CAPZB: variants seen among roughly 807,000 people sequenced by gnomAD.
CAPZB encodes the protein F-actin-capping protein subunit beta.
In CAPZB, 2 loss-of-function variants were observed where a neutral mutation model predicts 38.1. That is an observed-to-expected ratio of 0.05 (90% CI 0.02 to 0.17). The LOEUF is 0.17. Ranked by LOEUF, CAPZB falls within the 10% of genes least tolerant of loss-of-function variation. The probability of loss-of-function intolerance (pLI) is 1.00; values close to 1 mark genes in which losing one functional copy is unlikely to be tolerated. For missense variants in CAPZB, 161 were observed against 334.2 expected, an observed-to-expected ratio of 0.48 and a Z score of 4.04; for synonymous variants, 107 against 127.4, an observed-to-expected ratio of 0.84 and a Z score of 1.08.
intron 1 of CAPZB, among the ~76,000 whole-genome samples, chr1:19,483,069 C>A (rs1394066608): frequency 6.6e-6 from 1 of 152,170 alleles, no homozygotes; most frequent in African/African-American, 2.4e-5. Flanking sequence ...GATACAGCTG[C>A]GGAAAACACA....
intron 6 of CAPZB, 59 bp from the exon 7 acceptor site, chr1:19,345,311 A>G (rs1157750339): frequency 1.5e-6 from 2 of 1,364,688 alleles, no homozygotes; most frequent in East Asian, 2.3e-5. Context: ...AGAACGGCAG[A>G]CAGCCCACCC....
intron 6 of CAPZB, among the ~76,000 whole-genome samples, chr1:19,348,766 G>A (rs929983426): frequency 7.4e-6 from 1 of 135,384 alleles, no homozygotes; most frequent in Non-Finnish European, 1.6e-5. Context: ...ACAAGGGGGG[G>A]GGGCGGTCTA....
Position 19,453,457 on chromosome 1 carries a change from C to T in CAPZB, c.3+31979G>A, listed in dbSNP as rs12095046. Among the ~76,000 whole-genome samples, 632 of 152,086 alleles carry T rather than the reference C, an allele frequency of 4.2e-3. 6 individuals are homozygous for T. Among genetic ancestry groups the T allele is most frequent in the African/African-American group, 0.014 (600 of 41,470 alleles). ...TGTATTTTTAGTAGAGACGGCGTTT[C>T]ACCATGTTGGCCAGGCTGGACTCGA... On this transcript the variant is annotated intron_variant, in intron 1 of 8. Transcript: ENST00000264202.
intron 1 of CAPZB, among the ~76,000 whole-genome samples, chr1:19,457,662 C>T (rs930174496): frequency 7.9e-5 from 12 of 152,186 alleles, no homozygotes; most frequent in Non-Finnish European, 1.2e-4. Flanking sequence ...CCAGTGTTAA[C>T]AAAGAAGCAA....
At chr1:19,484,355 T>C (rs1166091181) in intron 1 of CAPZB, 2 of 1,555,826 alleles carry the variant, frequency 1.3e-6, no homozygotes, top group Non-Finnish European at 1.7e-6. Context: ...GATTGTGCGT[T>C]CATCCTTGTC....
chr1:19,370,715 C>T (rs183294334), intron 4 of CAPZB, among the ~76,000 whole-genome samples: 166 of 152,234 alleles, frequency 1.1e-3, no homozygotes, highest in Admixed American at 2.0e-3. Flanking sequence ...AGCTGCCAGC[C>T]GCGGGCCAAG....
At chr1:19,470,194 G>C (rs1041173107) in intron 1 of CAPZB, among the ~76,000 whole-genome samples, 2 of 152,108 alleles carry the variant, frequency 1.3e-5, no homozygotes, top group Admixed American at 6.5e-5. Context: ...ACTGTAGCCT[G>C]AGCAAAAGCA....
intron 2 of CAPZB, among the ~76,000 whole-genome samples, chr1:19,389,284 C>G (rs548258839): frequency 3.9e-5 from 6 of 152,212 alleles, no homozygotes; most frequent in African/African-American, 1.4e-4. Context: ...ACTCCCTGAA[C>G]ATGCACGTGC....
intron 8 of CAPZB, among the ~76,000 whole-genome samples, chr1:19,340,074 G>A (rs2093919768): frequency 6.6e-6 from 1 of 152,210 alleles, no homozygotes; most frequent in South Asian, 2.1e-4. Context: ...GGAGGACTCC[G>A]GGGCCATGCG....
At chr1:19,381,405 T>C (rs2100438742) in intron 3 of CAPZB, among the ~76,000 whole-genome samples, 1 of 152,142 alleles carries the variant, frequency 6.6e-6, no homozygotes, top group Admixed American at 6.5e-5. Flanking sequence ...TGCCTGCCCT[T>C]GTCCCCAGTA....
intron 1 of CAPZB, chr1:19,449,020 C>A: frequency 6.5e-7 from 1 of 1,532,096 alleles, no homozygotes; most frequent in Non-Finnish European, 8.8e-7. Context: ...CCAGGCTGCT[C>A]GCTGCCCGCT....
chr1:19,466,123 C>G (rs567255219), intron 1 of CAPZB, among the ~76,000 whole-genome samples: 1 of 152,324 alleles, frequency 6.6e-6, no homozygotes, highest in South Asian at 2.1e-4. Context: ...CGACACTAAT[C>G]ACTGCACGCA....
chr1:19,469,739 A>AACACACACACACAC (rs1368840384), intron 1 of CAPZB, among the ~76,000 whole-genome samples: 1 of 74,086 alleles, frequency 1.3e-5, no homozygotes, highest in Non-Finnish European at 2.7e-5. Context: ...GGAGGAAAAG[A>AACACACACACACAC]ATACACACAC....
chr1:19,412,861 A>G (rs1216054560), intron 2 of CAPZB, among the ~76,000 whole-genome samples: 1 of 152,202 alleles, frequency 6.6e-6, no homozygotes, highest in African/African-American at 2.4e-5. Context: ...GTAAAAACAA[A>G]TAAGCACAGC....
rs1280613169 is a variant in CAPZB at position 19,451,915 on chromosome 1, TTTTACTGTTTATTATTGTAA to T, written c.4-32185_4-32166del. On this transcript the variant is annotated intron_variant, in intron 1 of 8. Coordinates refer to ENST00000264202, the MANE Select transcript of CAPZB (RefSeq NM_004930.5). The stretch of plus-strand genomic sequence containing the variant: ...TGCCAATAATAATGCTATGAAGCAA[TTTTACTGTTTATTATTGTAA>T]TTTACTGTTTATTATTGTAATTATT... 4.6e-5 allele frequency among the ~76,000 whole-genome samples: 7 copies of T among 152,244 alleles called. No homozygotes were observed. In the East Asian group the frequency reaches 1.2e-3, roughly 25 times the overall value.
At chr1:19,398,478 T>C (rs7516504) in intron 2 of CAPZB, among the ~76,000 whole-genome samples, 98,092 of 152,034 alleles carry the variant, frequency 0.65, 32,230 homozygotes, top group African/African-American at 0.77. Flanking sequence ...AATACTTCTG[T>C]TTCCCTTCAA....
rs2094021135 is a variant in CAPZB, at chr1:19,356,410, C to T, written c.588+225G>A. On this transcript the variant is annotated intron_variant, in intron 6 of 8. Transcript: ENST00000264202. This position sits in a 1 kb window ranked among gnomAD's most constrained non-coding sequence, Gnocchi z 4.3. ...GTAAGGAGGAGCCACAGCCAGCACC[C>T]GGCCTCCCTCAGCAGGAGGCCAGCA... Among the ~76,000 whole-genome samples, 2 of 152,216 alleles carry T rather than the reference C, an allele frequency of 1.3e-5. No individual in the cohort carries two copies. The highest frequency in any genetic ancestry group is 4.8e-5 in the African/African-American group (2 of 41,454).
At chr1:19,463,658 C>T (rs1053624630) in intron 1 of CAPZB, among the ~76,000 whole-genome samples, 2 of 152,138 alleles carry the variant, frequency 1.3e-5, no homozygotes, top group Non-Finnish European at 2.9e-5. Flanking sequence ...TTTGAGGCCC[C>T]AGGAGGCTGG....
intron 6 of CAPZB, among the ~76,000 whole-genome samples, chr1:19,351,827 T>C (rs1173363798): frequency 1.3e-5 from 2 of 152,172 alleles, no homozygotes; most frequent in African/African-American, 2.4e-5. Context: ...CATCCCTGCC[T>C]CAGCCGCCTC....
Sources: allele counts gnomAD v4.1 joint callset (sites outside exome capture counted in the v4.1 genomes callset), GRCh38; gene constraint gnomAD v4.1.1; non-coding constraint Gnocchi (gnomAD v3.1); transcripts MANE v1.5; gene names NCBI Gene and HGNC (gene_info 2026-07-23, HGNC 2026-07-21).